The following WDR41 variants were observed in gnomAD, a reference collection of about 807,000 sequenced individuals.
WDR41 encodes WD repeat-containing protein 41.
WDR41 carries 63 observed loss-of-function variants against 69.3 expected under a neutral mutation model. The observed-to-expected ratio is 0.91, with a 90% CI of 0.74 to 1.12. WDR41 has a LOEUF of 1.12. Ranked by LOEUF, WDR41 falls within the 50% of genes most tolerant of loss-of-function variation. The probability of loss-of-function intolerance (pLI) is 0.00; values close to 1 mark genes in which losing one functional copy is unlikely to be tolerated. For synonymous variants in WDR41, 185 were observed against 192.1 expected, an observed-to-expected ratio of 0.96 and a Z score of 0.31; for missense variants, 543 against 534.5, an observed-to-expected ratio of 1.02 and a Z score of -0.16.
chr5:77,510,471 G>A (rs992212752), intron 1 of WDR41, among the ~76,000 whole-genome samples: 2 of 152,112 alleles, frequency 1.3e-5, no homozygotes, highest in African/African-American at 4.8e-5. Context: ...TAGGAAATGA[G>A]TGCATTCATA....
intron 3 of WDR41, 65 bp from the exon 4 acceptor site, chr5:77,463,291 C>T (rs1800151635): frequency 5.5e-6 from 8 of 1,458,194 alleles, no homozygotes; most frequent in East Asian, 2.3e-5. Context: ...TAAATGACTA[C>T]ATTAAGTACA....
chr5:77,586,021 A>G (rs1273549298), intron 1 of WDR41, among the ~76,000 whole-genome samples: 1 of 152,178 alleles, frequency 6.6e-6, no homozygotes, highest in Non-Finnish European at 1.5e-5. Context: ...AACTTTGAAC[A>G]ATTCAAGTAA....
chr5:77,608,476 A>G (rs1744471808), intron 1 of WDR41, among the ~76,000 whole-genome samples: 1 of 152,218 alleles, frequency 6.6e-6, no homozygotes, highest in South Asian at 2.1e-4. Flanking sequence ...ACTATGTCCC[A>G]TGTAGATATT....
At chr5:77,523,881 T>C (rs536401069) in intron 1 of WDR41, among the ~76,000 whole-genome samples, 1 of 152,272 alleles carries the variant, frequency 6.6e-6, no homozygotes, top group African/African-American at 2.4e-5. Context: ...AAGCCAGACT[T>C]GAATGAACTA....
intron 1 of WDR41, among the ~76,000 whole-genome samples, chr5:77,606,933 A>C (rs1260278785): frequency 6.6e-6 from 1 of 150,824 alleles, no homozygotes; most frequent in Admixed American, 6.6e-5. Flanking sequence ...GCACTTTGCC[A>C]GTAACTCAAG....
intron 1 of WDR41, among the ~76,000 whole-genome samples, chr5:77,619,758 T>G (rs1007062943): frequency 6.6e-5 from 10 of 152,150 alleles, no homozygotes; most frequent in African/African-American, 2.2e-4. Flanking sequence ...TTTTTTTGTT[T>G]TTTTAACAAG....
intron 1 of WDR41, among the ~76,000 whole-genome samples, chr5:77,557,267 A>C: frequency 6.6e-6 from 1 of 152,180 alleles, no homozygotes; most frequent in East Asian, 1.9e-4. Context: ...GTTTAAAAGC[A>C]AAACAAAACA....
rs142488196 is a variant in WDR41, at chr5:77,552,727, C to G, written c.43-63155G>C. Among the ~76,000 whole-genome samples the G allele has an allele frequency of 1.8e-3, 272 of 152,226 alleles. 2 individuals are homozygous for G. Among genetic ancestry groups the G allele is most frequent in the African/African-American group, 6.2e-3 (258 of 41,532 alleles). On this transcript the variant is annotated intron_variant, in intron 1 of 5. Transcript: ENST00000509971. Reference sequence around the variant, plus strand: ...AATCAACGGAGCAGCACAGGATACCCAGAAATAGATTCACACAGTCTGCCA... The same window carrying G: ...AATCAACGGAGCAGCACAGGATACCGAGAAATAGATTCACACAGTCTGCCA...
Position 77,554,081 on chromosome 5 carries a change from A to G in WDR41, c.43-64509T>C, listed in dbSNP as rs115147758. Among the ~76,000 whole-genome samples, 233 of 152,364 alleles carry G rather than the reference A, an allele frequency of 1.5e-3. 3 individuals carry two copies. Among genetic ancestry groups the G allele is most frequent in the African/African-American group, 5.4e-3 (223 of 41,582 alleles). On this transcript the variant is annotated intron_variant, in intron 1 of 5. Coordinates refer to the WDR41 transcript ENST00000509971. ...TGGTATATGCACAACATGGAATTCT[A>G]CTAAGCAATAAAAATAAATAGTCGG... is the stretch of plus-strand genomic sequence containing the variant.
chr5:77,572,219 T>C (rs1388755712), intron 1 of WDR41, among the ~76,000 whole-genome samples: 1 of 152,214 alleles, frequency 6.6e-6, no homozygotes, highest in Non-Finnish European at 1.5e-5. Flanking sequence ...CATTGTATGA[T>C]ACACTACTTT....
At position 77,431,938 on chromosome 5, in the gene WDR41, C is replaced by T. The variant is rs58075980; in HGVS notation, c.*1197G>A. ...TAGAGCTGCTTGGTGATACTGGGCA[C>T]TACAGATTTAATTGCAAGGCCTTAC... On this transcript the variant is annotated 3_prime_UTR_variant, in exon 13 of 13. Coordinates refer to ENST00000296679, the MANE Select transcript of WDR41 (RefSeq NM_018268.4). 2.0e-5 allele frequency: 3 copies of T among 152,154 alleles called. No individual in the cohort carries two copies. The highest frequency in any genetic ancestry group is 4.4e-5 in the Non-Finnish European group (3 of 68,050). The allele number at this position is 152,154 out of a possible 1,614,324, so 9.4% of individuals were successfully genotyped here.
upstream of WDR41, among the ~76,000 whole-genome samples, chr5:77,493,226 C>T (rs1801881236): frequency 6.6e-6 from 1 of 152,060 alleles, no homozygotes; most frequent in South Asian, 2.1e-4. Flanking sequence ...AATCACTGGT[C>T]TAGGAACTAC....
At chr5:77,509,539 A>T (rs2112169461) in intron 1 of WDR41, among the ~76,000 whole-genome samples, 1 of 152,338 alleles carries the variant, frequency 6.6e-6, no homozygotes, top group Admixed American at 6.5e-5. Flanking sequence ...CAGTACTGAC[A>T]CAGGCTGCGA....
At chr5:77,434,826 A>C (rs1022760270) in intron 12 of WDR41, among the ~76,000 whole-genome samples, 1 of 152,160 alleles carries the variant, frequency 6.6e-6, no homozygotes, top group Non-Finnish European at 1.5e-5. Flanking sequence ...ATTCCTAAGA[A>C]GCTGACACTG....
intron 1 of WDR41, among the ~76,000 whole-genome samples, chr5:77,587,195 TA>T (rs1744057514): frequency 6.6e-6 from 1 of 151,884 alleles, no homozygotes; most frequent in Non-Finnish European, 1.5e-5. Flanking sequence ...CTGAAGTTTA[TA>T]TAAATGATAC....
intron 8 of WDR41, among the ~76,000 whole-genome samples, chr5:77,447,892 T>A (rs1215312233): frequency 6.6e-6 from 1 of 152,218 alleles, no homozygotes; most frequent in African/African-American, 2.4e-5. Context: ...AGAAATTTTT[T>A]AAAAAGATAG....
intron 2 of WDR41, among the ~76,000 whole-genome samples, chr5:77,474,511 A>C (rs942958063): frequency 1.3e-5 from 2 of 152,198 alleles, no homozygotes; most frequent in East Asian, 3.9e-4. Flanking sequence ...TTAGAGAAGC[A>C]TCCAGATAGG....
chr5:77,482,045 A>C (rs1801296927), intron 2 of WDR41, among the ~76,000 whole-genome samples: 1 of 152,198 alleles, frequency 6.6e-6, no homozygotes, highest in Admixed American at 6.5e-5. Context: ...TCAAATACAG[A>C]TAGTTAACTT....
intron 1 of WDR41, among the ~76,000 whole-genome samples, chr5:77,543,115 C>T (rs956707413): frequency 1.3e-5 from 2 of 152,172 alleles, no homozygotes; most frequent in South Asian, 4.1e-4. Flanking sequence ...GAGAGTACTA[C>T]ATCAAGGGAA....
Sources: gnomAD v4.1 joint callset for allele counts (sites outside exome capture counted in the v4.1 genomes callset) on GRCh38, gnomAD v4.1.1 for gene constraint, MANE v1.5 for transcripts, NCBI Gene and HGNC (gene_info 2026-07-23, HGNC 2026-07-21) for gene names.